ZFHX3: variants seen among roughly 807,000 people sequenced by gnomAD.
The protein encoded by ZFHX3 is zinc finger homeobox 3, also known as zinc finger homeobox protein 3.
Under a neutral mutation model 279.1 loss-of-function variants are expected in ZFHX3, and 42 were observed. That is an observed-to-expected ratio of 0.15 (90% CI 0.12 to 0.19). The LOEUF (loss-of-function observed/expected upper bound fraction) is 0.19. Ranked by LOEUF, ZFHX3 falls within the 10% of genes least tolerant of loss-of-function variation. The pLI, the probability that ZFHX3 is intolerant of heterozygous loss-of-function variation, is 1.00. For missense variants in ZFHX3, 4,981 were observed against 4,754.0 expected (o/e 1.05, Z -1.40); for synonymous variants, 2,293 against 1,957.8 (o/e 1.17, Z -4.52).
At chr16:73,153,732 C>A (rs570195146) in intron 5 of ZFHX3, among the ~76,000 whole-genome samples, 5 of 151,964 alleles carry the variant, frequency 3.3e-5, no homozygotes, top group African/African-American at 9.7e-5. Flanking sequence ...TCACTGCAAC[C>A]TCCACCTCCC....
intron 1 of ZFHX3, among the ~76,000 whole-genome samples, chr16:72,993,933 C>CT (rs1251121977): frequency 1.3e-5 from 2 of 152,150 alleles, no homozygotes; most frequent in African/African-American, 4.8e-5. Flanking sequence ...ACCAGGGTAG[C>CT]AGCAGCCGAG....
intron 2 of ZFHX3, among the ~76,000 whole-genome samples, chr16:73,666,243 G>C (rs1245371498): frequency 1.3e-5 from 2 of 151,970 alleles, no homozygotes; most frequent in Non-Finnish European, 2.9e-5. Context: ...TATAAAGCCA[G>C]TAGATCCATC....
At chr16:72,926,400 G>C (rs145236955) in intron 3 of ZFHX3, among the ~76,000 whole-genome samples, 1 of 152,116 alleles carries the variant, frequency 6.6e-6, no homozygotes, top group Non-Finnish European at 1.5e-5. Context: ...GAGCTACAGC[G>C]ACTCCACTTT....
At chr16:72,908,844 G>A (rs2039250669) in intron 3 of ZFHX3, among the ~76,000 whole-genome samples, 1 of 152,180 alleles carries the variant, frequency 6.6e-6, no homozygotes, top group Non-Finnish European at 1.5e-5. Flanking sequence ...TCTTTGTAAA[G>A]AGCCATATTA....
chr16:73,113,587 G>T (rs1228627192), intron 7 of ZFHX3, among the ~76,000 whole-genome samples: 1 of 152,034 alleles, frequency 6.6e-6, no homozygotes, highest in Non-Finnish European at 1.5e-5. Context: ...CCCACTACGT[G>T]AGCTACTGGG....
intron 3 of ZFHX3, among the ~76,000 whole-genome samples, chr16:73,344,656 C>T (rs1186028715): frequency 6.6e-6 from 1 of 152,052 alleles, no homozygotes; most frequent in African/African-American, 2.4e-5. Context: ...GCAATTTATT[C>T]TCAAATGACT....
intron 2 of ZFHX3, among the ~76,000 whole-genome samples, chr16:73,589,429 C>T (rs1013239081): frequency 2.0e-4 from 19 of 94,338 alleles, no homozygotes; most frequent in Admixed American, 4.0e-4. Context: ...GAGCAAGACG[C>T]TCTTTCAAAA....
chr16:73,034,957 G>A (rs1452702234), intron 1 of ZFHX3, among the ~76,000 whole-genome samples: 11 of 152,158 alleles, frequency 7.2e-5, no homozygotes, highest in Admixed American at 7.2e-4. Flanking sequence ...GCAAGCAGCT[G>A]GTCACAGGGG....
intron 4 of ZFHX3, among the ~76,000 whole-genome samples, chr16:73,257,623 CTCAT>C (rs761751130): frequency 6.6e-6 from 1 of 152,206 alleles, no homozygotes; most frequent in Non-Finnish European, 1.5e-5. Context: ...GATTGATTGA[CTCAT>C]TCATTCATTC....
intron 1 of ZFHX3, among the ~76,000 whole-genome samples, chr16:73,684,187 G>A (rs1156288938): frequency 3.9e-5 from 6 of 152,116 alleles, no homozygotes; most frequent in East Asian, 1.9e-4. Flanking sequence ...CCAGCTACTC[G>A]AGAGGCTAAG....
rs1295421515 is a variant in ZFHX3, at chr16:73,007,057, C to T, written c.-50+40695G>A. On this transcript the variant is annotated intron_variant, in intron 1 of 9. Coordinates refer to ENST00000268489, the MANE Select transcript of ZFHX3 (RefSeq NM_006885.4). Reference sequence around the variant, plus strand: ...AATGCAGAACGGGTGACTATGAAGGCCAACTATATTATGTTTTTCTTCTTG... The same window carrying T: ...AATGCAGAACGGGTGACTATGAAGGTCAACTATATTATGTTTTTCTTCTTG... Among the ~76,000 whole-genome samples the T allele has an allele frequency of 2.0e-5, 3 of 152,142 alleles. No individual in the cohort carries two copies. The East Asian group carries it at 5.8e-4, about 29-fold the overall frequency.
chr16:73,468,550 A>G (rs1273793124), intron 2 of ZFHX3, among the ~76,000 whole-genome samples: 1 of 152,204 alleles, frequency 6.6e-6, no homozygotes, highest in Non-Finnish European at 1.5e-5. Context: ...AGCCTGGCCA[A>G]CATGGCGAAA....
chr16:73,308,469 T>G (rs2015245788), intron 4 of ZFHX3, among the ~76,000 whole-genome samples: 3 of 151,620 alleles, frequency 2.0e-5, no homozygotes, highest in Admixed American at 6.6e-5. Context: ...TTTTGTAATT[T>G]TAGTAGAGAA....
intron 2 of ZFHX3, among the ~76,000 whole-genome samples, chr16:73,624,787 A>C (rs926211953): frequency 2.0e-5 from 3 of 152,172 alleles, no homozygotes; most frequent in Non-Finnish European, 4.4e-5. Context: ...CCTGGCTGTT[A>C]ATGTGCCTCC....
chr16:72,972,159 C>G (rs182654697), intron 1 of ZFHX3, among the ~76,000 whole-genome samples: 1 of 152,236 alleles, frequency 6.6e-6, no homozygotes, highest in Non-Finnish European at 1.5e-5. Flanking sequence ...ACCTAAAGTG[C>G]TGGGATTACA....
intron 3 of ZFHX3, among the ~76,000 whole-genome samples, chr16:73,337,830 T>C (rs984021796): frequency 6.9e-6 from 1 of 145,948 alleles, no homozygotes; most frequent in African/African-American, 2.5e-5. Context: ...TTTTAAACTT[T>C]CTATCTTCCC....
At chr16:73,026,218 A>C (rs1309773007) in intron 1 of ZFHX3, among the ~76,000 whole-genome samples, 1 of 128,512 alleles carries the variant, frequency 7.8e-6, no homozygotes. Context: ...AAAAAAAAAA[A>C]AAAAGCCAGG....
intron 2 of ZFHX3, among the ~76,000 whole-genome samples, chr16:73,656,582 C>T (rs1198227714): frequency 6.6e-6 from 1 of 152,108 alleles, no homozygotes. Context: ...GGAACTTTAT[C>T]CAATAACCTT....
intron 3 of ZFHX3, among the ~76,000 whole-genome samples, chr16:72,946,791 A>C (rs1960700080): frequency 6.6e-6 from 1 of 152,164 alleles, no homozygotes. Flanking sequence ...CCACATCTCT[A>C]CGGGTGGAGA....
Sources: gnomAD v4.1 joint callset for allele counts (sites outside exome capture counted in the v4.1 genomes callset) on GRCh38, gnomAD v4.1.1 for gene constraint, MANE v1.5 for transcripts, NCBI Gene and HGNC (gene_info 2026-07-23, HGNC 2026-07-21) for gene names.